Variants in SOX6 observed in about 807,000 individuals in gnomAD.
The protein encoded by SOX6 is SRY-box transcription factor 6.
Under a neutral mutation model 97.8 loss-of-function variants are expected in SOX6, and 11 were observed. That is an observed-to-expected ratio of 0.11 (90% CI 0.07 to 0.19). The LOEUF is 0.19. Among genes scored for constraint, SOX6 ranks in the 10% least tolerant of loss-of-function variants. The pLI, the probability that SOX6 is intolerant of heterozygous loss-of-function variation, is 1.00. For synonymous variants in SOX6, 360 were observed against 371.4 expected, an observed-to-expected ratio of 0.97 and a Z score of 0.35; for missense variants, 810 against 1,039.5, an observed-to-expected ratio of 0.78 and a Z score of 3.04.
chr11:16,374,723 T>A (rs1857597893), intron 1 of SOX6, among the ~76,000 whole-genome samples: 2 of 152,058 alleles, frequency 1.3e-5, no homozygotes. Context: ...GTGCCTGTGA[T>A]AAATTTATCC....
chr11:16,253,018 A>G (rs1336963263), intron 3 of SOX6, among the ~76,000 whole-genome samples: 1 of 152,154 alleles, frequency 6.6e-6, no homozygotes, highest in African/African-American at 2.4e-5. Context: ...TCAACAAAAA[A>G]TTATAAGACA....
intron 11 of SOX6, among the ~76,000 whole-genome samples, chr11:16,048,551 T>G (rs1227922786): frequency 6.6e-6 from 1 of 152,196 alleles, no homozygotes; most frequent in Non-Finnish European, 1.5e-5. Context: ...CAACTCATTC[T>G]ACCTGTAAAA....
At chr11:16,565,068 G>T (rs1021262018) in intron 4 of SOX6, among the ~76,000 whole-genome samples, 1 of 152,044 alleles carries the variant, frequency 6.6e-6, no homozygotes. Context: ...TATCAAGACT[G>T]ACAAAGAATG....
chr11:16,583,271 T>A (rs1414874935), intron 4 of SOX6, among the ~76,000 whole-genome samples: 2 of 152,130 alleles, frequency 1.3e-5, no homozygotes, highest in African/African-American at 4.8e-5. Context: ...CCTCAAAGAT[T>A]TACCATTTGT....
chr11:16,708,650 C>T lies in SOX6; in HGVS notation n.429+6180G>A, dbSNP rs116369832. ...TTTATAATTAAGAATTACCTAAAAACTCTGCCTGCTTAAAGCTACTCATTA... is the reference window on the plus strand; with the variant it reads ...TTTATAATTAAGAATTACCTAAAAATTCTGCCTGCTTAAAGCTACTCATTA... On this transcript the variant is annotated intron_variant and non_coding_transcript_variant, in intron 3 of 5. Coordinates refer to the SOX6 transcript ENST00000524520. Among the ~76,000 whole-genome samples, 674 of 152,310 alleles carry T rather than the reference C, an allele frequency of 4.4e-3. 4 individuals carry two copies. Among genetic ancestry groups the T allele is most frequent in the African/African-American group, 0.016 (652 of 41,574 alleles).
chr11:16,042,992 A>C (rs996802559), intron 12 of SOX6, among the ~76,000 whole-genome samples: 14 of 152,178 alleles, frequency 9.2e-5, no homozygotes, highest in Admixed American at 7.9e-4. Flanking sequence ...GCATTCAAAC[A>C]TCAAGAAGGT....
intron 3 of SOX6, among the ~76,000 whole-genome samples, chr11:16,293,234 G>T (rs1352770947): frequency 1.3e-5 from 2 of 152,000 alleles, no homozygotes. Context: ...TTATCTTCCT[G>T]CCCTATCCCC....
At chr11:16,037,834 C>A (rs1214235833) in intron 12 of SOX6, among the ~76,000 whole-genome samples, 1 of 152,156 alleles carries the variant, frequency 6.6e-6, no homozygotes, top group Non-Finnish European at 1.5e-5. Flanking sequence ...CAAACACCTA[C>A]AATGGCTGGC....
intron 6 of SOX6, among the ~76,000 whole-genome samples, chr11:16,178,794 T>A (rs1416590634): frequency 1.3e-5 from 2 of 151,902 alleles, no homozygotes; most frequent in Non-Finnish European, 2.9e-5. Context: ...TGCATTTTGT[T>A]CATCAATGAT....
At chr11:16,734,631 C>T (rs527400498) in intron 2 of SOX6, among the ~76,000 whole-genome samples, 9 of 152,062 alleles carry the variant, frequency 5.9e-5, no homozygotes, top group Non-Finnish European at 1.2e-4. Flanking sequence ...ACTTTGAAGC[C>T]CATATTTTTA....
intron 4 of SOX6, among the ~76,000 whole-genome samples, chr11:16,560,569 GT>G (rs1184154340): frequency 1.8e-5 from 2 of 111,726 alleles, no homozygotes; most frequent in African/African-American, 6.6e-5. Context: ...GTACATATAT[GT>G]TTATACGTAC....
chr11:16,362,744 T>C (rs1857241371), intron 1 of SOX6, among the ~76,000 whole-genome samples: 1 of 152,160 alleles, frequency 6.6e-6, no homozygotes, highest in African/African-American at 2.4e-5. Context: ...TAAAAACGCC[T>C]GCTTCAGAAT....
chr11:16,424,341 A>G (rs866168061), intron 1 of SOX6, among the ~76,000 whole-genome samples: 1 of 152,228 alleles, frequency 6.6e-6, no homozygotes, highest in Non-Finnish European at 1.5e-5. Context: ...GTGGATTCAT[A>G]TACACTATTG....
At chr11:15,999,646 A>G (rs537260197) in intron 13 of SOX6, among the ~76,000 whole-genome samples, 2 of 152,134 alleles carry the variant, frequency 1.3e-5, no homozygotes, top group South Asian at 4.1e-4. Context: ...AGTAGGTGAC[A>G]TATTCAGGCC....
intron 1 of SOX6, among the ~76,000 whole-genome samples, chr11:16,395,698 T>C (rs1374698255): frequency 6.6e-6 from 1 of 151,790 alleles, no homozygotes; most frequent in East Asian, 1.9e-4. Context: ...TCCCAAAGAA[T>C]GGTAGGTGGG....
intron 3 of SOX6, among the ~76,000 whole-genome samples, chr11:16,696,723 G>T (rs989096128): frequency 6.6e-6 from 1 of 152,178 alleles, no homozygotes. Context: ...GCTAGTGGAG[G>T]TTCTTGCCTT....
Position 16,183,972 on chromosome 11 carries a change from T to C in SOX6, c.709-18A>G. 1.2e-6 allele frequency: 2 copies of C among 1,610,012 alleles called. No homozygotes were observed. The highest frequency in any genetic ancestry group is 1.7e-6 in the Non-Finnish European group (2 of 1,176,918). On this transcript the variant is annotated intron_variant, in intron 5 of 15. Transcript: ENST00000683767. ...CTCGCAATCTATCAGAAATAAAGTT[T>C]CATTAAGTTAAAATGAAATGCTTAC... is the stretch of plus-strand genomic sequence containing the variant.
At chr11:16,106,204 C>T (rs1004790936) in intron 7 of SOX6, among the ~76,000 whole-genome samples, 2 of 151,940 alleles carry the variant, frequency 1.3e-5, no homozygotes, top group Admixed American at 6.6e-5. Flanking sequence ...AAAGCCAATT[C>T]ACAAATTAAT....
chr11:16,572,151 CAA>C (rs11330439), intron 4 of SOX6, among the ~76,000 whole-genome samples: 2 of 130,500 alleles, frequency 1.5e-5, no homozygotes, highest in African/African-American at 2.5e-5. Context: ...TGCTTATAAT[CAA>C]AAAAAAATTG....
Sources: gnomAD v4.1 joint callset for allele counts (sites outside exome capture counted in the v4.1 genomes callset) on GRCh38, gnomAD v4.1.1 for gene constraint, MANE v1.5 for transcripts, NCBI Gene and HGNC (gene_info 2026-07-23, HGNC 2026-07-21) for gene names.